Variants in ATCAY observed in about 807,000 individuals in gnomAD.
ATCAY encodes ATCAY kinesin light chain interacting caytaxin, also known as caytaxin.
Under a neutral mutation model 47.7 loss-of-function variants are expected in ATCAY, and 22 were observed. That is an observed-to-expected ratio of 0.46 (90% confidence interval 0.33 to 0.66). ATCAY has a LOEUF of 0.66. Among genes scored for constraint, ATCAY ranks in the 30% least tolerant of loss-of-function variants. ATCAY has a pLI of 0.02. For synonymous variants in ATCAY, 216 were observed against 207.6 expected (o/e 1.04, Z -0.35); for missense variants, 452 against 515.0 (o/e 0.88, Z 1.18).
intron 2 of ATCAY, among the ~76,000 whole-genome samples, chr19:3,889,848 G>A (rs1047830126): frequency 6.6e-6 from 1 of 152,046 alleles, no homozygotes; most frequent in East Asian, 1.9e-4. Flanking sequence ...TGCAAATGGC[G>A]AAGGCAGCAC....
At chr19:3,910,724 C>A in intron 7 of ATCAY, 79 bp from the exon 8 acceptor site, 1 of 1,421,666 alleles carries the variant, frequency 7.0e-7, no homozygotes, top group Non-Finnish European at 9.9e-7. Flanking sequence ...TTGCTTGTGG[C>A]TCTCCCGTCC....
intron 10 of ATCAY, among the ~76,000 whole-genome samples, chr19:3,918,165 G>C (rs977415949): frequency 6.6e-6 from 1 of 151,984 alleles, no homozygotes; most frequent in South Asian, 2.1e-4. Context: ...CAGGAGGATT[G>C]TGTGAGGTCA....
Position 3,909,609 on chromosome 19 carries a change from C to G in ATCAY, c.771C>G (p.Ile257Met). 16 of 1,594,050 alleles carry G rather than the reference C, an allele frequency of 1.0e-5. No individual in the cohort carries two copies. The highest frequency in any genetic ancestry group is 1.4e-5 in the Non-Finnish European group (16 of 1,170,334). Residue 257 changes from isoleucine to methionine, a missense_variant, in exon 7 of 13, where the codon ATC becomes ATG. Ile to Met is a conservative substitution (Grantham distance 10). Transcript: ENST00000450849. ...IGWLKKCYQM[I>M]DRRLRKNLKS... ...GGCTGAAGAAGTGCTACCAGATGAT[C>G]GACCGGAGGTGAGGTGGGGATGCCT...
intron 9 of ATCAY, among the ~76,000 whole-genome samples, chr19:3,914,233 C>T (rs1270482446): frequency 1.4e-4 from 2 of 14,424 alleles, no homozygotes; most frequent in African/African-American, 2.1e-3. Context: ...GAGACTCCAT[C>T]GCAAAAAAAA....
intron 11 of ATCAY, 68 bp downstream of exon 11, chr19:3,918,945 G>C (rs1212587331): frequency 1.3e-6 from 2 of 1,579,726 alleles, no homozygotes; most frequent in Non-Finnish European, 1.7e-6. Flanking sequence ...CCTTGGGGGA[G>C]GCTAGAGAGG....
intron 1 of ATCAY, among the ~76,000 whole-genome samples, chr19:3,882,633 A>G (rs2038612115): frequency 6.7e-6 from 1 of 148,766 alleles, no homozygotes; most frequent in Non-Finnish European, 1.5e-5. Flanking sequence ...CACCAGCCAG[A>G]TGCCTTATTT....
intron 2 of ATCAY, among the ~76,000 whole-genome samples, chr19:3,891,888 T>G (rs1254972036): frequency 4.0e-5 from 6 of 151,488 alleles, no homozygotes; most frequent in African/African-American, 1.5e-4. Flanking sequence ...TTCTGGGGGG[T>G]TTTATTTATT....
chr19:3,885,602 G>GAGGGGGAGGGGAAGGGGGAGGGGA, intron 1 of ATCAY, 125 bp from the exon 2 acceptor site: 2 of 590,008 alleles, frequency 3.4e-6, no homozygotes, highest in African/African-American at 3.8e-5. Flanking sequence ...AGAAAGGAGA[G>GAGGGGGAGGGGAAGGGGGAGGGGA]AGGGGGAGGG....
At chr19:3,887,536 G>C (rs1375147665) in intron 2 of ATCAY, among the ~76,000 whole-genome samples, 1 of 150,936 alleles carries the variant, frequency 6.6e-6, no homozygotes, top group African/African-American at 2.4e-5. Flanking sequence ...GCCCAGGCTG[G>C]AGTGCAGTGG....
intron 2 of ATCAY, among the ~76,000 whole-genome samples, chr19:3,892,742 T>C (rs990611922): frequency 1.3e-5 from 2 of 151,962 alleles, no homozygotes; most frequent in Non-Finnish European, 2.9e-5. Flanking sequence ...ACCCCGTCTC[T>C]ACTAAAAATA....
intron 3 of ATCAY, among the ~76,000 whole-genome samples, 169 bp downstream of exon 3, chr19:3,902,714 T>A (rs2038825797): frequency 6.6e-6 from 1 of 152,108 alleles, no homozygotes; most frequent in Non-Finnish European, 1.5e-5. Flanking sequence ...ACACAATGGA[T>A]GATGGCGCTC....
rs192172997 is a variant in ATCAY at position 3,885,047 on chromosome 19, G to A, written c.-41-680G>A. On this transcript the variant is annotated intron_variant, in intron 1 of 12. Coordinates refer to ENST00000450849, the MANE Select transcript of ATCAY (RefSeq NM_033064.5). ...AAGCCCAGGAGTTCAAGGCTGCCAT[G>A]AGCCATGATTGTGCCCCTGCACTCC... Among the ~76,000 whole-genome samples the A allele has an allele frequency of 4.1e-3, 608 of 147,170 alleles. 3 individuals are homozygous for A. The highest frequency in any genetic ancestry group is 0.014 in the African/African-American group (561 of 39,730).
rs1197058991 is a variant in ATCAY at position 3,898,565 on chromosome 19, G to A, written c.78-3922G>A. Among the ~76,000 whole-genome samples, 5 of 152,200 alleles carry A rather than the reference G, an allele frequency of 3.3e-5. No individual in the cohort carries two copies. The East Asian group carries it at 5.8e-4, about 18-fold the overall frequency. ...TCACTGAGCATGATGTCCTCAAGGT[G>A]CATCCATGCTGTGGTCTGTGTCAGA... is the stretch of plus-strand genomic sequence containing the variant. On this transcript the variant is annotated intron_variant, in intron 2 of 12. Transcript: ENST00000450849.
Position 3,924,685 on chromosome 19 carries a change from T to G in ATCAY, c.*93T>G. 1 of 1,387,276 alleles carries G rather than the reference T, an allele frequency of 7.2e-7. No individual in the cohort carries two copies. The highest frequency in any genetic ancestry group is 1.0e-6 in the Non-Finnish European group (1 of 990,452). 85.9% of individuals were successfully genotyped at this position (1,387,276 alleles called of 1,614,324 possible). On this transcript the variant is annotated 3_prime_UTR_variant, in exon 13 of 13. Transcript: ENST00000450849. Reference sequence around the variant, plus strand: ...CACTGGCCCCAGATCTCATCCTGCCTCATCCTGAGTCCCAATCTTCCAAGG... The same window carrying G: ...CACTGGCCCCAGATCTCATCCTGCCGCATCCTGAGTCCCAATCTTCCAAGG...
chr19:3,888,150 C>T (rs952705749), intron 2 of ATCAY, among the ~76,000 whole-genome samples: 2 of 151,444 alleles, frequency 1.3e-5, no homozygotes, highest in African/African-American at 2.4e-5. Flanking sequence ...GGAAGCTGTG[C>T]GAATTTGCTG....
intron 7 of ATCAY, 72 bp from the exon 8 acceptor site, chr19:3,910,731 G>T: frequency 6.7e-7 from 1 of 1,499,286 alleles, no homozygotes; most frequent in Non-Finnish European, 9.3e-7. Flanking sequence ...TGGCTCTCCC[G>T]TCCCACCCAG....
At chr19:3,920,897 C>T (rs2039012411) in intron 12 of ATCAY, 99 bp downstream of exon 12, 3 of 1,421,344 alleles carry the variant, frequency 2.1e-6, no homozygotes, top group Non-Finnish European at 2.9e-6. Flanking sequence ...ATCAAACCAG[C>T]TGCCAGCAAA....
rs757673737 is a variant in ATCAY, at chr19:3,920,751, G to T, written c.1074-15G>T. 1 of 1,599,574 alleles carries T rather than the reference G, an allele frequency of 6.3e-7. No individual in the cohort carries two copies. Among genetic ancestry groups the T allele is most frequent in the African/African-American group, 1.3e-5 (1 of 74,824 alleles). The stretch of plus-strand genomic sequence containing the variant: ...AATAAGCAAATAACGCCCAGTCTCC[G>T]TCTCTCCTCCACAGGTCTGCTCTGG... On this transcript the variant is annotated splice_polypyrimidine_tract_variant and intron_variant, in intron 11 of 12. Transcript: ENST00000450849.
Position 3,927,851 on chromosome 19 carries a change from AC to A in ATCAY, c.*3263del, listed in dbSNP as rs1415634688. On this transcript the variant is annotated 3_prime_UTR_variant, in exon 13 of 13. Coordinates refer to ENST00000450849, the MANE Select transcript of ATCAY (RefSeq NM_033064.5). The stretch of plus-strand genomic sequence containing the variant: ...GTGTGGTTTGGCCAAAATGCAATGG[AC>A]CCCGACCCCTCCTCGTAAAAGGATG... The A allele has an allele frequency of 2.0e-5, 3 of 152,134 alleles. No individual in the cohort carries two copies. Among genetic ancestry groups the A allele is most frequent in the Non-Finnish European group, 2.9e-5 (2 of 68,094 alleles). The allele number at this position is 152,134 out of a possible 1,614,324, so 9.4% of individuals were successfully genotyped here.
Sources: allele counts gnomAD v4.1 joint callset (sites outside exome capture counted in the v4.1 genomes callset), GRCh38; gene constraint gnomAD v4.1.1; transcripts MANE v1.5; gene names NCBI Gene and HGNC (gene_info 2026-07-23, HGNC 2026-07-21).